The following KSR1 variants were observed in gnomAD, a reference collection of about 807,000 sequenced individuals.
KSR1 encodes the protein kinase suppressor of ras.
Under a neutral mutation model 92.9 loss-of-function variants are expected in KSR1, and 35 were observed. That is an observed-to-expected ratio of 0.38 (90% CI 0.29 to 0.50). KSR1 has a LOEUF of 0.50. Among genes scored for constraint, KSR1 ranks in the 20% least tolerant of loss-of-function variants. The pLI is 0.94. For missense variants in KSR1, 972 were observed against 1,158.5 expected (o/e 0.84, Z 2.34); for synonymous variants, 467 against 472.6 (o/e 0.99, Z 0.15).
intron 2 of KSR1, among the ~76,000 whole-genome samples, chr17:27,569,706 A>G (rs915222586): frequency 6.6e-6 from 1 of 152,186 alleles, no homozygotes; most frequent in African/African-American, 2.4e-5. Context: ...AGCCACACCC[A>G]TTTGTGTACG....
At chr17:27,485,944 A>G (rs548503902) in intron 1 of KSR1, among the ~76,000 whole-genome samples, 1 of 152,252 alleles carries the variant, frequency 6.6e-6, no homozygotes, top group South Asian at 2.1e-4. Flanking sequence ...GCTATATCTT[A>G]ATTCATAGTG....
chr17:27,508,812 C>T (rs2069491904), intron 1 of KSR1, among the ~76,000 whole-genome samples: 4 of 151,846 alleles, frequency 2.6e-5, no homozygotes, highest in African/African-American at 9.7e-5. Context: ...TCATTGTAAC[C>T]TCCACCTCCC....
At chr17:27,476,227 G>A (rs967206364) in intron 1 of KSR1, among the ~76,000 whole-genome samples, 3 of 152,194 alleles carry the variant, frequency 2.0e-5, no homozygotes, top group Admixed American at 2.0e-4. Flanking sequence ...GAAGGCTAAT[G>A]AAGTGGTGCA....
intron 2 of KSR1, among the ~76,000 whole-genome samples, chr17:27,564,492 T>C (rs2071978032): frequency 6.6e-6 from 1 of 152,200 alleles, no homozygotes; most frequent in African/African-American, 2.4e-5. Flanking sequence ...TCCAAGGAAG[T>C]CTGGATGCAG....
chr17:27,601,250 T>C (rs1270676257), intron 10 of KSR1, 110 bp from the exon 11 acceptor site: 17 of 918,772 alleles, frequency 1.9e-5, no homozygotes, highest in Non-Finnish European at 2.6e-5. Context: ...GGTAGGGCTG[T>C]CCCAGCCCAG....
At chr17:27,464,705 CA>C (rs35895195) in intron 1 of KSR1, among the ~76,000 whole-genome samples, 176 of 137,924 alleles carry the variant, frequency 1.3e-3, no homozygotes, top group African/African-American at 2.1e-3. Flanking sequence ...GAACTTGACT[CA>C]AAAAAAAAAA....
chr17:27,491,585 T>C (rs2068834559), intron 1 of KSR1, among the ~76,000 whole-genome samples: 1 of 152,112 alleles, frequency 6.6e-6, no homozygotes, highest in South Asian at 2.1e-4. Context: ...GAGGGGAAAC[T>C]GGTGTTTTTT....
chr17:27,563,364 A>G (rs1192994746), intron 2 of KSR1, among the ~76,000 whole-genome samples: 1 of 151,798 alleles, frequency 6.6e-6, no homozygotes, highest in East Asian at 1.9e-4. Flanking sequence ...CCCGGACTCA[A>G]GTTATTCTCC....
chr17:27,485,291 G>A (rs2068632265), intron 1 of KSR1, among the ~76,000 whole-genome samples: 1 of 152,254 alleles, frequency 6.6e-6, no homozygotes, highest in South Asian at 2.1e-4. Flanking sequence ...GAGGCAGAGA[G>A]GGCAGGGTGA....
At position 27,531,491 on chromosome 17, in the gene KSR1, T is replaced by C. The variant is rs76449479; in HGVS notation, c.232-19077T>C. On this transcript the variant is annotated intron_variant, in intron 1 of 20. Coordinates refer to ENST00000644974, the MANE Select transcript of KSR1 (RefSeq NM_001394583.1). The stretch of plus-strand genomic sequence containing the variant: ...GTGTAGTGAATACCTGAGTCCATTT[T>C]CTGCCTGGTCCCACACTCGGATCCG... Among the ~76,000 whole-genome samples the C allele has an allele frequency of 1.1e-4, 17 of 152,324 alleles. No individual in the cohort carries two copies. The East Asian group carries it at 2.1e-3, about 19-fold the overall frequency.
At chr17:27,599,980 C>G (rs182888840) in intron 10 of KSR1, among the ~76,000 whole-genome samples, 1 of 152,256 alleles carries the variant, frequency 6.6e-6, no homozygotes, top group Admixed American at 6.5e-5. Flanking sequence ...TCTTGTCCCA[C>G]CGGAAGGTCT....
In KSR1 at chr17:27,597,885, GCTC is replaced by G. The variant is rs1184584583; in HGVS notation, c.1468+452_1468+454del. ...TGCTTCCCACTCGTGATCTGGGTAA[GCTC>G]CTTCAAGGAGACCTCTCGTTCCCTT... On this transcript the variant is annotated intron_variant, in intron 10 of 20. Transcript: ENST00000644974. Among the ~76,000 whole-genome samples the G allele has an allele frequency of 2.0e-5, 3 of 152,324 alleles. No homozygotes were observed. In the East Asian group the frequency reaches 5.8e-4, roughly 29 times the overall value.
chr17:27,552,621 G>C (rs550448756), intron 2 of KSR1, among the ~76,000 whole-genome samples: 70 of 152,310 alleles, frequency 4.6e-4, no homozygotes, highest in African/African-American at 1.7e-3. Context: ...GCCCCCAGGG[G>C]AGATGGCCCT....
intron 1 of KSR1, among the ~76,000 whole-genome samples, chr17:27,470,111 A>C (rs1412787340): frequency 1.3e-5 from 2 of 150,396 alleles, no homozygotes; most frequent in African/African-American, 2.5e-5. Context: ...ACTAGAGTGC[A>C]GTGGTGTGAT....
At chr17:27,520,259 C>CAG (rs1255563318) in intron 1 of KSR1, among the ~76,000 whole-genome samples, 2 of 152,118 alleles carry the variant, frequency 1.3e-5, no homozygotes, top group Non-Finnish European at 2.9e-5. Flanking sequence ...TCCATTCCTG[C>CAG]AGAAGATGGC....
chr17:27,590,663 G>A (rs2073133489), intron 6 of KSR1, 148 bp from the exon 7 acceptor site: 1 of 639,184 alleles, frequency 1.6e-6, no homozygotes, highest in South Asian at 1.9e-5. Flanking sequence ...TGGCCCGTGG[G>A]TATCTCTGTC....
chr17:27,515,154 G>T (rs756812721), intron 1 of KSR1, among the ~76,000 whole-genome samples: 2 of 152,198 alleles, frequency 1.3e-5, no homozygotes, highest in African/African-American at 4.8e-5. Flanking sequence ...CATAGAAAGC[G>T]AATTTATATT....
chr17:27,603,732 G>A, intron 11 of KSR1, 102 bp from the exon 12 acceptor site: 2 of 1,164,592 alleles, frequency 1.7e-6, no homozygotes, highest in Admixed American at 1.9e-5. Context: ...GTCCACTCAG[G>A]GGAAAATCAG....
intron 1 of KSR1, among the ~76,000 whole-genome samples, chr17:27,457,635 C>A (rs960743897): frequency 2.0e-5 from 3 of 152,012 alleles, no homozygotes; most frequent in African/African-American, 7.3e-5. Flanking sequence ...TGCGGGCCTT[C>A]CTCTCTCAAA....
Sources: gnomAD v4.1 joint callset for allele counts (sites outside exome capture counted in the v4.1 genomes callset) on GRCh38, gnomAD v4.1.1 for gene constraint, MANE v1.5 for transcripts, NCBI Gene and HGNC (gene_info 2026-07-23, HGNC 2026-07-21) for gene names.